The following GPRC6A variants were observed in gnomAD, a reference collection of about 807,000 sequenced individuals.
The protein encoded by GPRC6A is G protein-coupled receptor family C group 6 member A.
A neutral mutation model predicts 47.0 loss-of-function variants in GPRC6A; 54 were observed. The ratio of observed to expected loss-of-function variants is 1.15; its 90% CI spans 0.92 to 1.44. GPRC6A has a LOEUF of 1.44. Among genes scored for constraint, GPRC6A ranks in the 40% most tolerant of loss-of-function variants. GPRC6A has a pLI of 0.00. For missense variants in GPRC6A, 1,112 were observed against 1,105.5 expected (o/e 1.01, Z -0.08); for synonymous variants, 347 against 377.1 (o/e 0.92, Z 0.93).
chr6:116,800,361 C>T (rs994318620), intron 4 of GPRC6A, among the ~76,000 whole-genome samples: 5 of 131,462 alleles, frequency 3.8e-5, no homozygotes, highest in Non-Finnish European at 7.8e-5. Flanking sequence ...CTTTCTTTCT[C>T]TCTCTCCCTC....
intron 1 of GPRC6A, among the ~76,000 whole-genome samples, chr6:116,821,392 G>A (rs913042205): frequency 4.5e-4 from 69 of 152,060 alleles, no homozygotes; most frequent in East Asian, 1.4e-3. Context: ...AAAAGAGCCC[G>A]CATCGCCAAG....
At chr6:116,818,370 TA>T (rs1470427461) in intron 1 of GPRC6A, among the ~76,000 whole-genome samples, 4 of 147,144 alleles carry the variant, frequency 2.7e-5, no homozygotes, top group Non-Finnish European at 6.0e-5. Flanking sequence ...CTGTCTCTAC[TA>T]AAAATACAAA....
chr6:116,807,318 C>A (rs1384694725), intron 2 of GPRC6A, 112 bp from the exon 3 acceptor site: 8 of 680,652 alleles, frequency 1.2e-5, no homozygotes, highest in South Asian at 1.9e-5. Flanking sequence ...TCCTTAAATT[C>A]TCTAGTCTTT....
At chr6:116,815,699 TAAC>T (rs754246740) in intron 1 of GPRC6A, among the ~76,000 whole-genome samples, 9 of 151,932 alleles carry the variant, frequency 5.9e-5, no homozygotes, top group Admixed American at 5.2e-4. Flanking sequence ...AAATTAGAAA[TAAC>T]AACAAGAGGA....
intron 1 of GPRC6A, among the ~76,000 whole-genome samples, chr6:116,811,784 C>T (rs1478154805): frequency 2.6e-5 from 4 of 151,248 alleles, no homozygotes; most frequent in Admixed American, 6.6e-5. Flanking sequence ...AACCTGAAGA[C>T]AGTTCAGGTT....
At chr6:116,813,223 C>T (rs1345298422) in intron 1 of GPRC6A, among the ~76,000 whole-genome samples, 1 of 152,140 alleles carries the variant, frequency 6.6e-6, no homozygotes, top group Non-Finnish European at 1.5e-5. Flanking sequence ...CATCAAGCTA[C>T]CAATGACTTT....
intron 3 of GPRC6A, among the ~76,000 whole-genome samples, chr6:116,802,939 C>T (rs908534380): frequency 7.9e-5 from 12 of 152,086 alleles, no homozygotes; most frequent in Non-Finnish European, 1.6e-4. Flanking sequence ...TATTATCTTA[C>T]CATGCCAAAA....
chr6:116,821,679 C>T (rs1434099590), intron 1 of GPRC6A, among the ~76,000 whole-genome samples: 1 of 152,028 alleles, frequency 6.6e-6, no homozygotes. Flanking sequence ...GAAACTGGAT[C>T]CCTTCCTTAC....
intron 1 of GPRC6A, among the ~76,000 whole-genome samples, chr6:116,821,331 C>T (rs897430713): frequency 6.6e-6 from 1 of 151,976 alleles, no homozygotes; most frequent in Non-Finnish European, 1.5e-5. Context: ...GCTACCAATG[C>T]CTTTCTTCAC....
At chr6:116,826,081 C>A (rs562988661) in intron 1 of GPRC6A, among the ~76,000 whole-genome samples, 1 of 151,764 alleles carries the variant, frequency 6.6e-6, no homozygotes, top group African/African-American at 2.4e-5. Flanking sequence ...TCCCAAATTA[C>A]AAAACTATTA....
At chr6:116,802,789 C>T (rs905746837) in intron 3 of GPRC6A, among the ~76,000 whole-genome samples, 1 of 152,046 alleles carries the variant, frequency 6.6e-6, no homozygotes, top group Non-Finnish European at 1.5e-5. Flanking sequence ...AAGTCTTGGT[C>T]ACTAGAAACA....
At position 116,792,248 on chromosome 6, in the gene GPRC6A, C is replaced by G. The variant is rs377402633; in HGVS notation, c.2675G>C (p.Trp892Ser). The G allele has an allele frequency of 5.0e-6, 8 of 1,613,850 alleles. No individual in the cohort carries two copies. Among genetic ancestry groups the G allele is most frequent in the Non-Finnish European group, 6.8e-6 (8 of 1,179,948 alleles). ...NPSSSGKSAT[W>S]QKSKDLQAQA... ...TGCCTGAAGATCTTTGCTTTTCTGC[C>G]AGGTTGCAGACTTGCCACTAGAGCT... Residue 892 changes from tryptophan (W) to serine (S), a missense_variant, in exon 6 of 6, where the codon TGG becomes TCG. Transcript: ENST00000310357.
chr6:116,818,320 G>A (rs1773311380), intron 1 of GPRC6A, among the ~76,000 whole-genome samples: 1 of 150,736 alleles, frequency 6.6e-6, no homozygotes, highest in South Asian at 2.1e-4. Flanking sequence ...GGATCACGAG[G>A]TCAGGAGATC....
chr6:116,818,826 T>A (rs1408391958), intron 1 of GPRC6A, among the ~76,000 whole-genome samples: 37 of 151,322 alleles, frequency 2.4e-4, no homozygotes, highest in Non-Finnish European at 7.4e-5. Flanking sequence ...CAGCTATCAT[T>A]ATAATGACAG....
Position 116,792,560 on chromosome 6 carries a change from A to G in GPRC6A, c.2363T>C (p.Met788Thr), listed in dbSNP as rs767696428. ...YNEAKFITFGMLIYFIAWITF... is the reference protein window; with the variant it reads ...YNEAKFITFGTLIYFIAWITF... ...GATCCAAGCTATGAAGTAAATGAGC[A>G]TGCCAAATGTAATGAATTTGGCTTC... The change falls in exon 6 of 6, where the codon ATG (methionine) becomes ACG (threonine). Residue 788 changes from methionine to threonine, a missense_variant. Met to Thr is a moderately conservative substitution (Grantham distance 81, BLOSUM62 -1). Transcript: ENST00000310357. The G allele has an allele frequency of 5.6e-6, 9 of 1,612,404 alleles. No individual in the cohort carries two copies. The highest frequency in any genetic ancestry group is 6.8e-6 in the Non-Finnish European group (8 of 1,178,946).
At chr6:116,794,190 T>C (rs958405405) in intron 5 of GPRC6A, among the ~76,000 whole-genome samples, 24 of 152,282 alleles carry the variant, frequency 1.6e-4, no homozygotes, top group African/African-American at 5.8e-4. Context: ...CCTGTACAAC[T>C]CTTTAAAATT....
chr6:116,802,441 C>T (rs1772704258), intron 3 of GPRC6A, among the ~76,000 whole-genome samples: 1 of 152,014 alleles, frequency 6.6e-6, no homozygotes, highest in African/African-American at 2.4e-5. Flanking sequence ...TCTTATTCAC[C>T]TGTGTATGAT....
intron 2 of GPRC6A, among the ~76,000 whole-genome samples, chr6:116,807,532 G>A (rs1772894675): frequency 6.6e-6 from 1 of 152,074 alleles, no homozygotes; most frequent in Admixed American, 6.6e-5. Flanking sequence ...AGGTAAATGC[G>A]GTCCATCATA....
intron 4 of GPRC6A, among the ~76,000 whole-genome samples, chr6:116,799,639 A>T (rs11964228): frequency 1.3e-5 from 2 of 152,180 alleles, no homozygotes; most frequent in African/African-American, 4.8e-5. Context: ...AATGTATTCA[A>T]CTGTTTCAGG....
Sources: allele counts gnomAD v4.1 joint callset (sites outside exome capture counted in the v4.1 genomes callset), GRCh38; gene constraint gnomAD v4.1.1; transcripts MANE v1.5; gene names NCBI Gene and HGNC (gene_info 2026-07-23, HGNC 2026-07-21).